The following PLCB4 variants were observed in gnomAD, a reference collection of about 807,000 sequenced individuals.
PLCB4 encodes the protein phospholipase C beta 4.
A neutral mutation model predicts 178.8 loss-of-function variants in PLCB4; 77 were observed. The ratio of observed to expected loss-of-function variants is 0.43; its 90% confidence interval spans 0.36 to 0.52. The LOEUF (loss-of-function observed/expected upper bound fraction) is 0.52. Ranked by LOEUF, PLCB4 falls within the 20% of genes least tolerant of loss-of-function variation. PLCB4 has a pLI of 0.00. For synonymous variants in PLCB4, 496 were observed against 490.8 expected, an observed-to-expected ratio of 1.01 and a Z score of -0.14; for missense variants, 1,024 against 1,453.4, an observed-to-expected ratio of 0.70 and a Z score of 4.80.
At chr20:9,472,359 G>T (rs1437572844) in intron 36 of PLCB4, among the ~76,000 whole-genome samples, 1 of 152,192 alleles carries the variant, frequency 6.6e-6, no homozygotes, top group Non-Finnish European at 1.5e-5. Context: ...GTATGCACAG[G>T]AAAGTTTGAG....
At position 9,480,752 on chromosome 20, in the gene PLCB4, AC is replaced by A. The variant is rs1364025484; in HGVS notation, c.*1744del. On this transcript the variant is annotated 3_prime_UTR_variant, in exon 40 of 40. Coordinates refer to ENST00000378473, the MANE Select transcript of PLCB4 (RefSeq NM_001377142.1). The stretch of plus-strand genomic sequence containing the variant: ...GGAGTTAGACTACATATCTTTTGGC[AC>A]TAACATCTCATGAAAAATTATGGTT... The A allele has an allele frequency of 6.6e-6, 1 of 152,176 alleles. No homozygotes were observed. The highest frequency in any genetic ancestry group is 1.5e-5 in the Non-Finnish European group (1 of 68,032). The allele number at this position is 152,176 out of a possible 1,614,324, so 9.4% of individuals were successfully genotyped here.
At chr20:9,386,527 A>G (rs1193580996) in intron 14 of PLCB4, among the ~76,000 whole-genome samples, 1 of 152,148 alleles carries the variant, frequency 6.6e-6, no homozygotes, top group Non-Finnish European at 1.5e-5. Flanking sequence ...GTTAAAAGAA[A>G]TTAACTGTCT....
chr20:9,386,736 G>A (rs887633855), intron 14 of PLCB4, among the ~76,000 whole-genome samples: 13 of 151,082 alleles, frequency 8.6e-5, no homozygotes, highest in African/African-American at 2.2e-4. Flanking sequence ...GTATACATGC[G>A]CCATGTTGGT....
chr20:9,292,783 A>G (rs1186728763), intron 3 of PLCB4, among the ~76,000 whole-genome samples: 1 of 152,112 alleles, frequency 6.6e-6, no homozygotes, highest in African/African-American at 2.4e-5. Flanking sequence ...AAATGGTACT[A>G]AAGTGTGCAT....
chr20:9,467,422 T>C (rs2043868234), intron 35 of PLCB4, among the ~76,000 whole-genome samples: 1 of 151,136 alleles, frequency 6.6e-6, no homozygotes, highest in Non-Finnish European at 1.5e-5. Flanking sequence ...GAACTTAAAG[T>C]ATAATAAAAA....
chr20:9,172,240 T>G (rs1289364420), intron 2 of PLCB4, among the ~76,000 whole-genome samples: 1 of 152,208 alleles, frequency 6.6e-6, no homozygotes, highest in Non-Finnish European at 1.5e-5. Context: ...GACCACCATT[T>G]AATGCCAGTT....
chr20:9,203,056 AATATATATAT>A (rs55690764), intron 2 of PLCB4, among the ~76,000 whole-genome samples: 3 of 126,148 alleles, frequency 2.4e-5, no homozygotes, highest in East Asian at 2.2e-4. Flanking sequence ...AAAAAAAAAA[AATATATATAT>A]ATATATATAT....
chr20:9,427,388 T>G (rs998261110), intron 28 of PLCB4, among the ~76,000 whole-genome samples: 1 of 151,514 alleles, frequency 6.6e-6, no homozygotes, highest in African/African-American at 2.4e-5. Flanking sequence ...AAAAGTAACA[T>G]TTAGGACAGA....
chr20:9,268,446 C>T (rs1451802457), intron 3 of PLCB4, among the ~76,000 whole-genome samples: 1 of 152,164 alleles, frequency 6.6e-6, no homozygotes, highest in Non-Finnish European at 1.5e-5. Flanking sequence ...AATCTCAGAA[C>T]TGAGCTTGTG....
chr20:9,427,120 C>G (rs6039465), intron 28 of PLCB4, among the ~76,000 whole-genome samples: 133,784 of 152,174 alleles, frequency 0.88, 59,148 homozygotes, highest in East Asian at 1. Flanking sequence ...AGCTACTCTG[C>G]AGGCTGAGGC....
intron 35 of PLCB4, among the ~76,000 whole-genome samples, chr20:9,465,877 T>C (rs930574954): frequency 6.6e-6 from 1 of 152,142 alleles, no homozygotes. Flanking sequence ...ATTTATAGAT[T>C]CAATGCCATC....
At chr20:9,462,961 A>G (rs1324606538) in intron 35 of PLCB4, among the ~76,000 whole-genome samples, 1 of 152,198 alleles carries the variant, frequency 6.6e-6, no homozygotes, top group East Asian at 1.9e-4. Flanking sequence ...AAGACACATA[A>G]TTGTCAGATT....
intron 3 of PLCB4, among the ~76,000 whole-genome samples, chr20:9,294,504 ATG>A (rs1437680301): frequency 6.6e-6 from 1 of 152,132 alleles, no homozygotes; most frequent in African/African-American, 2.4e-5. Context: ...TTGGTTGTCC[ATG>A]GACTTCCTGA....
chr20:9,107,599 G>T (rs983167783), intron 2 of PLCB4, among the ~76,000 whole-genome samples: 3 of 152,106 alleles, frequency 2.0e-5, no homozygotes, highest in Non-Finnish European at 4.4e-5. Context: ...CTGAAGAAGA[G>T]CAAGGAAGCC....
At chr20:9,403,218 G>A (rs927764739) in intron 20 of PLCB4, among the ~76,000 whole-genome samples, 1 of 152,102 alleles carries the variant, frequency 6.6e-6, no homozygotes, top group African/African-American at 2.4e-5. Flanking sequence ...TAGAAGACAG[G>A]TTGAGCTAGA....
intron 9 of PLCB4, among the ~76,000 whole-genome samples, chr20:9,366,567 T>A (rs1436866550): frequency 6.6e-6 from 1 of 152,142 alleles, no homozygotes; most frequent in African/African-American, 2.4e-5. Context: ...GGGGTTAGGG[T>A]TTACACATGG....
intron 4 of PLCB4, among the ~76,000 whole-genome samples, chr20:9,324,731 A>C (rs2030144398): frequency 6.6e-6 from 1 of 152,174 alleles, no homozygotes; most frequent in Admixed American, 6.6e-5. Flanking sequence ...TTTTAGACAC[A>C]ATAAAAAGTG....
chr20:9,097,133 C>A (rs767593743), intron 2 of PLCB4, among the ~76,000 whole-genome samples: 4 of 151,740 alleles, frequency 2.6e-5, no homozygotes, highest in Non-Finnish European at 5.9e-5. Context: ...TGGGATTTCA[C>A]CATGTTGGCC....
intron 25 of PLCB4, 86 bp downstream of exon 25, chr20:9,411,174 G>A: frequency 1.1e-6 from 1 of 893,194 alleles, no homozygotes; most frequent in Non-Finnish European, 1.8e-6. Flanking sequence ...TTCAATTAGG[G>A]GCTACAGAAT....
Sources: allele counts gnomAD v4.1 joint callset (sites outside exome capture counted in the v4.1 genomes callset), GRCh38; gene constraint gnomAD v4.1.1; transcripts MANE v1.5; gene names NCBI Gene and HGNC (gene_info 2026-07-23, HGNC 2026-07-21).